CDS2: variants seen among roughly 807,000 people sequenced by gnomAD.
CDS2 encodes CDP-diacylglycerol synthase 2.
CDS2 carries 47 observed loss-of-function variants against 59.0 expected under a neutral mutation model. The ratio of observed to expected loss-of-function variants is 0.80; its 90% CI spans 0.63 to 1.02. The LOEUF is 1.02. Among genes scored for constraint, CDS2 ranks in the 50% least tolerant of loss-of-function variants. The pLI is 0.00. For synonymous variants in CDS2, 207 were observed against 206.4 expected (o/e 1.00, Z -0.02); for missense variants, 356 against 558.9 (o/e 0.64, Z 3.66).
At chr20:5,183,389 G>A (rs2091045223) in intron 7 of CDS2, among the ~76,000 whole-genome samples, 1 of 152,144 alleles carries the variant, frequency 6.6e-6, no homozygotes, top group Non-Finnish European at 1.5e-5. Flanking sequence ...CCTATGCTCT[G>A]AGAACCACTG....
rs994961845 is a variant in CDS2 at position 5,195,065 on chromosome 20, G to A, written c.*4831G>A. Reference sequence around the variant, plus strand: ...ACCCTAGGTGCGGGCAGGTTTCTAGGCTGCTCTAAGCTTCTACCTTGAAGG... The same window carrying A: ...ACCCTAGGTGCGGGCAGGTTTCTAGACTGCTCTAAGCTTCTACCTTGAAGG... On this transcript the variant is annotated 3_prime_UTR_variant, in exon 13 of 13. Transcript: ENST00000460006. 2 of 152,152 alleles carry A rather than the reference G, an allele frequency of 1.3e-5. No individual in the cohort carries two copies. Among genetic ancestry groups the A allele is most frequent in the Non-Finnish European group, 2.9e-5 (2 of 68,050 alleles). The allele number at this position is 152,152 out of a possible 1,614,324, so 9.4% of individuals were successfully genotyped here. A position where few individuals can be genotyped will look rare whatever the true frequency, so the allele number is the denominator to read the frequency against.
chr20:5,163,287 G>A (rs1283694146), intron 1 of CDS2, among the ~76,000 whole-genome samples: 2 of 152,134 alleles, frequency 1.3e-5, no homozygotes, highest in African/African-American at 2.4e-5. Flanking sequence ...TTGAGACAGA[G>A]TTTTGCTCTT....
In CDS2 at chr20:5,183,114, T is replaced by C. The variant is rs756676299; in HGVS notation, c.642T>C (p.Val214=). The C allele has an allele frequency of 6.2e-6, 10 of 1,614,026 alleles. No individual in the cohort carries two copies. Among genetic ancestry groups the C allele is most frequent in the Non-Finnish European group, 8.5e-6 (10 of 1,179,978 alleles). The stretch of plus-strand genomic sequence containing the variant: ...TTGTTGTAACACAGTCACATCTTGT[T>C]ATCCACAACCTATTTGAAGGAATGA... ...LLIVVTQSHL[V]IHNLFEGMIW... Residue 214 remains valine (V), a synonymous_variant, in exon 7 of 13, where the codon GTT becomes GTC. Coordinates refer to ENST00000460006, the MANE Select transcript of CDS2 (RefSeq NM_003818.4).
At chr20:5,146,269 G>A (rs1189573966) in intron 1 of CDS2, among the ~76,000 whole-genome samples, 1 of 152,196 alleles carries the variant, frequency 6.6e-6, no homozygotes, top group African/African-American at 2.4e-5. Flanking sequence ...CTGGGCTTCT[G>A]CTCTTGGCAT....
At chr20:5,188,525 T>C (rs1432630923) in intron 10 of CDS2, among the ~76,000 whole-genome samples, 3 of 152,202 alleles carry the variant, frequency 2.0e-5, no homozygotes, top group Non-Finnish European at 4.4e-5. Flanking sequence ...ATTTACAAAA[T>C]GGGAAAAATT....
At chr20:5,147,507 A>T (rs2090753262) in intron 1 of CDS2, among the ~76,000 whole-genome samples, 1 of 152,118 alleles carries the variant, frequency 6.6e-6, no homozygotes. Context: ...ACGTGTGGTA[A>T]ATAGAGGGAT....
intron 1 of CDS2, among the ~76,000 whole-genome samples, chr20:5,139,562 C>T (rs568632193): frequency 3.7e-4 from 57 of 152,170 alleles, no homozygotes; most frequent in African/African-American, 1.3e-3. Context: ...TTTCTCTTGC[C>T]TAATTTCCCT....
chr20:5,173,678 G>T lies in CDS2; in HGVS notation c.194+19G>T. 1.2e-6 allele frequency: 2 copies of T among 1,613,650 alleles called. 1 individual carries two copies. The highest frequency in any genetic ancestry group is 3.3e-4 in the Middle Eastern group (2 of 6,026). On this transcript the variant is annotated intron_variant, in intron 2 of 12. Transcript: ENST00000460006. The stretch of plus-strand genomic sequence containing the variant: ...CTTCAAGGTAACCTGGCTTAATGAT[G>T]CAGGTGCTTGTTGGGGGCTTTGCAC...
chr20:5,127,024 C>A lies in CDS2; in HGVS notation c.-69C>A. The A allele has an allele frequency of 2.8e-6, 4 of 1,419,868 alleles. No homozygotes were observed. Among genetic ancestry groups the A allele is most frequent in the Non-Finnish European group, 3.7e-6 (4 of 1,072,442 alleles). The allele number at this position is 1,419,868 out of a possible 1,614,324, so 88.0% of individuals were successfully genotyped here. A position where few individuals can be genotyped will look rare whatever the true frequency, so the allele number is the denominator to read the frequency against. On this transcript the variant is annotated 5_prime_UTR_variant, in exon 1 of 13. Coordinates refer to ENST00000460006, the MANE Select transcript of CDS2 (RefSeq NM_003818.4). ...GCCGGCCGTGGGAGTCCGCGCGTGC[C>A]CGCGCCGAGCTGCCTGCTCCGGCGG...
At chr20:5,157,116 A>G (rs1333622739) in intron 1 of CDS2, among the ~76,000 whole-genome samples, 4 of 152,158 alleles carry the variant, frequency 2.6e-5, no homozygotes, top group Non-Finnish European at 4.4e-5. Flanking sequence ...GGGAGGGGGA[A>G]TGGTGGTACG....
intron 1 of CDS2, among the ~76,000 whole-genome samples, chr20:5,161,037 C>A (rs2090873010): frequency 6.6e-6 from 1 of 152,144 alleles, no homozygotes; most frequent in Non-Finnish European, 1.5e-5. Flanking sequence ...CTCTTTGAGT[C>A]CCTGCCCTCA....
Position 5,189,726 on chromosome 20 carries a change from C to T in CDS2, c.1102-9C>T, listed in dbSNP as rs1362916166. On this transcript the variant is annotated splice_polypyrimidine_tract_variant and intron_variant, in intron 11 of 12. Coordinates refer to ENST00000460006, the MANE Select transcript of CDS2 (RefSeq NM_003818.4). ...CCAAGTTCACCCATCCTTCCCCTGC[C>T]TCTAACAGGACTTTGCCAATACCAT... 1.9e-6 allele frequency: 3 copies of T among 1,610,338 alleles called. No homozygotes were observed. Among genetic ancestry groups the T allele is most frequent in the African/African-American group, 1.3e-5 (1 of 74,936 alleles).
At position 5,186,810 on chromosome 20, in the gene CDS2, C is replaced by G. The variant is rs778104918; in HGVS notation, c.952C>G (p.Pro318Ala). Residue 318 changes from proline to alanine, a missense_variant, in exon 10 of 13, where the codon CCT (proline) becomes GCT (alanine). Transcript: ENST00000460006. ...GTTTCGCCTGCAGGAGTACAACATT[C>G]CTGGGGTGATCCAGTCAGTCATTGG... ...DLFRLQEYNI[P>A]GVIQSVIGWK... 3 of 1,614,124 alleles carry G rather than the reference C, an allele frequency of 1.9e-6. No homozygotes were observed. Among genetic ancestry groups the G allele is most frequent in the Non-Finnish European group, 2.5e-6 (3 of 1,180,010 alleles).
intron 1 of CDS2, among the ~76,000 whole-genome samples, chr20:5,137,458 G>T (rs1214838037): frequency 6.6e-6 from 1 of 151,682 alleles, no homozygotes; most frequent in East Asian, 2.0e-4. Context: ...AGCCAGGCTG[G>T]TGTCGAAGGC....
At chr20:5,141,454 G>A (rs191591095) in intron 1 of CDS2, among the ~76,000 whole-genome samples, 1,874 of 152,250 alleles carry the variant, frequency 0.012, 49 homozygotes, top group African/African-American at 0.041. Context: ...ACATGCTGGG[G>A]GGGTGGTGCA....
chr20:5,179,922 G>A (rs1265627635), intron 5 of CDS2, among the ~76,000 whole-genome samples: 2 of 152,188 alleles, frequency 1.3e-5, no homozygotes, highest in East Asian at 1.9e-4. Flanking sequence ...TGACCTCAAT[G>A]TCAATCTGAC....
At position 5,196,785 on chromosome 20, in the gene CDS2, C is replaced by T. The variant is rs2091160592; in HGVS notation, c.*6551C>T. 2 of 152,376 alleles carry T rather than the reference C, an allele frequency of 1.3e-5. No homozygotes were observed. Among genetic ancestry groups the T allele is most frequent in the South Asian group, 2.1e-4 (1 of 4,824 alleles). 9.4% of individuals were successfully genotyped at this position (152,376 alleles called of 1,614,324 possible). The stretch of plus-strand genomic sequence containing the variant: ...TTTAGTAAACTGTTTTTCTGTCTTA[C>T]GTCATGCTGACTGGGTGCTAGGGGC... On this transcript the variant is annotated 3_prime_UTR_variant, in exon 13 of 13. Coordinates refer to ENST00000460006, the MANE Select transcript of CDS2 (RefSeq NM_003818.4).
Position 5,185,789 on chromosome 20 carries a change from T to A in CDS2, c.791T>A (p.Ile264Asn), listed in dbSNP as rs751029335. The A allele has an allele frequency of 1.2e-6, 2 of 1,614,182 alleles. No homozygotes were observed. Among genetic ancestry groups the A allele is most frequent in the Non-Finnish European group, 1.7e-6 (2 of 1,180,008 alleles). The change falls in exon 9 of 13, where the codon ATT (isoleucine) becomes AAT (asparagine). Residue 264 changes from isoleucine (I) to asparagine (N), a missense_variant. Around this residue, in one of 5 missense-constraint regions of CDS2, gnomAD observed 88 missense variants for 103.6 expected, o/e 0.85. Transcript: ENST00000460006. ...CCGAAGAAGACCTGGGAAGGCTTCATTGGGGGCTTCTTTGCTACTGTGGTG... is the reference window on the plus strand; with the variant it reads ...CCGAAGAAGACCTGGGAAGGCTTCAATGGGGGCTTCTTTGCTACTGTGGTG... ...LSPKKTWEGF[I>N]GGFFATVVFG...
In CDS2 at chr20:5,190,870, G is replaced by C. The variant is rs2091108870; in HGVS notation, c.*636G>C. 1 of 152,410 alleles carries C rather than the reference G, an allele frequency of 6.6e-6. No individual in the cohort carries two copies. Among genetic ancestry groups the C allele is most frequent in the Non-Finnish European group, 1.5e-5 (1 of 67,996 alleles). The allele number at this position is 152,410 out of a possible 1,614,324, so 9.4% of individuals were successfully genotyped here. A position where few individuals can be genotyped will look rare whatever the true frequency, so the allele number is the denominator to read the frequency against. ...AAAGTTTCAGTTTTTATTTTTTTCA[G>C]AAAGCACGAAAAATTATTTATAATA... On this transcript the variant is annotated 3_prime_UTR_variant, in exon 13 of 13. Transcript: ENST00000460006.
Sources: allele counts gnomAD v4.1 joint callset (sites outside exome capture counted in the v4.1 genomes callset), GRCh38; gene constraint gnomAD v4.1.1; regional missense constraint gnomAD v4.1.1; transcripts MANE v1.5; gene names NCBI Gene and HGNC (gene_info 2026-07-23, HGNC 2026-07-21).